PTPRJ: variants seen among roughly 807,000 people sequenced by gnomAD.
PTPRJ encodes the protein protein tyrosine phosphatase receptor type J, also known as receptor-type tyrosine-protein phosphatase eta.
PTPRJ carries 129 observed loss-of-function variants against 141.3 expected under a neutral mutation model. The observed-to-expected ratio is 0.91, with a 90% confidence interval of 0.79 to 1.06. The LOEUF (loss-of-function observed/expected upper bound fraction) is 1.06, where lower values mean the gene tolerates loss of function less well. Ranked by LOEUF, PTPRJ falls within the 50% of genes least tolerant of loss-of-function variation. The pLI, the probability that PTPRJ is intolerant of heterozygous loss-of-function variation, is 0.00. For synonymous variants in PTPRJ, 610 were observed against 640.5 expected, an observed-to-expected ratio of 0.95 and a Z score of 0.72; for missense variants, 1,601 against 1,679.7, an observed-to-expected ratio of 0.95 and a Z score of 0.82.
At chr11:47,982,387 G>A (rs561595899) in intron 1 of PTPRJ, among the ~76,000 whole-genome samples, 21 of 152,194 alleles carry the variant, frequency 1.4e-4, no homozygotes, top group Non-Finnish European at 2.8e-4. Context: ...ATTGTTTGAG[G>A]GGCTTCCACT....
At chr11:48,012,468 G>A (rs894692822) in intron 1 of PTPRJ, among the ~76,000 whole-genome samples, 2 of 152,190 alleles carry the variant, frequency 1.3e-5, no homozygotes, top group Admixed American at 1.3e-4. Context: ...ATGGAGGGCA[G>A]TGTCCCCAGA....
At position 48,075,818 on chromosome 11, in the gene PTPRJ, C is replaced by G. The variant is rs539799418; in HGVS notation, c.97-34240C>G. On this transcript the variant is annotated intron_variant, in intron 1 of 24. Transcript: ENST00000418331. ...TTCTGCCACATTTTACCTTGCCTTT[C>G]CGCACCTTCTACCATGTCTCCTTTT... Among the ~76,000 whole-genome samples, 92 of 152,328 alleles carry G rather than the reference C, an allele frequency of 6.0e-4. No homozygotes were observed. The South Asian group carries it at 0.011, about 18-fold the overall frequency.
rs1428365676 is a variant in PTPRJ, at chr11:48,169,606, T to C, written c.*2244T>C. ...TCCAATATGTCCGAAACCATTGTGA[T>C]GGGTGGCAAATCCCAGGGAGCTCCT... On this transcript the variant is annotated 3_prime_UTR_variant, in exon 25 of 25. Coordinates refer to ENST00000418331, the MANE Select transcript of PTPRJ (RefSeq NM_002843.4). 2 of 152,204 alleles carry C rather than the reference T, an allele frequency of 1.3e-5. No homozygotes were observed. Among genetic ancestry groups the C allele is most frequent in the Non-Finnish European group, 2.9e-5 (2 of 68,070 alleles). The allele number at this position is 152,204 out of a possible 1,614,324, so 9.4% of individuals were successfully genotyped here. A position where few individuals can be genotyped will look rare whatever the true frequency, so the allele number is the denominator to read the frequency against.
intron 1 of PTPRJ, among the ~76,000 whole-genome samples, chr11:48,035,151 G>A (rs1217123117): frequency 6.6e-6 from 1 of 152,168 alleles, no homozygotes; most frequent in Non-Finnish European, 1.5e-5. Context: ...GTGGCCCATG[G>A]CACCCAGTTG....
intron 1 of PTPRJ, among the ~76,000 whole-genome samples, chr11:48,046,904 ATATATATATTTTTT>A (rs1195478093): frequency 1.6e-3 from 145 of 93,078 alleles, no homozygotes; most frequent in African/African-American, 6.7e-3. Flanking sequence ...ATATATATAT[ATATATATATTTTTT>A]TTTTTTTTTT....
chr11:48,012,584 C>G (rs969957832), intron 1 of PTPRJ, among the ~76,000 whole-genome samples: 2 of 151,998 alleles, frequency 1.3e-5, no homozygotes, highest in African/African-American at 2.4e-5. Context: ...CAAGAGCAAC[C>G]CTGGCGGACT....
At chr11:48,006,232 C>G (rs1373007996) in intron 1 of PTPRJ, among the ~76,000 whole-genome samples, 1 of 152,082 alleles carries the variant, frequency 6.6e-6, no homozygotes, top group African/African-American at 2.4e-5. Context: ...TCATCTGGAA[C>G]CTGGGGCTCT....
rs140174173 is a variant in PTPRJ at position 48,110,069 on chromosome 11, A to C, written c.108A>C (p.Ala36=). The C allele has an allele frequency of 3.1e-6, 5 of 1,614,002 alleles. No individual in the cohort carries two copies. In the South Asian group the frequency reaches 4.4e-5, roughly 14 times the overall value. ...LLLRLGQILC[A]GGTPSPIPDP... is the part of the protein sequence containing the mutation. ...TTTTTCTGTTTCAGATCCTGTGCGC[A>C]GGTGGCAGTGAGTACCCTTTTCCTC... The change falls in exon 2 of 25, where the codon GCA becomes GCC. Residue 36 remains alanine (A), a synonymous_variant. Coordinates refer to ENST00000418331, the MANE Select transcript of PTPRJ (RefSeq NM_002843.4).
At position 48,137,241 on chromosome 11, in the gene PTPRJ, G is replaced by A; in HGVS notation, c.2112G>A (p.Gly704=). 1 of 1,613,804 alleles carries A rather than the reference G, an allele frequency of 6.2e-7. No homozygotes were observed. Among genetic ancestry groups the A allele is most frequent in the Non-Finnish European group, 8.5e-7 (1 of 1,179,876 alleles). The change falls in exon 10 of 25, where the codon GGG becomes GGA. Residue 704 remains glycine (G), a synonymous_variant. Coordinates refer to ENST00000418331, the MANE Select transcript of PTPRJ (RefSeq NM_002843.4). The part of the protein sequence containing the change: ...TVEIFAQVGD[G]IKSLEPGRKS... Reference sequence around the variant, plus strand: ...AGATCTTTGCACAAGTAGGGGATGGGATCAAGTCACTGGAACCTGGCCGGA... The same window carrying A: ...AGATCTTTGCACAAGTAGGGGATGGAATCAAGTCACTGGAACCTGGCCGGA...
At chr11:48,098,487 A>C (rs896890558) in intron 1 of PTPRJ, among the ~76,000 whole-genome samples, 3 of 151,702 alleles carry the variant, frequency 2.0e-5, no homozygotes, top group Non-Finnish European at 4.4e-5. Flanking sequence ...CTCTGTTGCC[A>C]GTGGACCCAC....
chr11:48,039,354 A>G (rs1425920114), intron 1 of PTPRJ, among the ~76,000 whole-genome samples: 18 of 150,930 alleles, frequency 1.2e-4, no homozygotes, highest in Non-Finnish European at 2.9e-5. Context: ...AAAAAACAAC[A>G]AACTGCCTCA....
At chr11:48,155,957 T>C (rs1479756134) in intron 20 of PTPRJ, 28 bp from the exon 21 acceptor site, 2 of 1,606,234 alleles carry the variant, frequency 1.2e-6, no homozygotes, top group South Asian at 1.1e-5. Flanking sequence ...TTCTTTGAGG[T>C]TGACTATGTG....
At chr11:48,146,719 T>TTGTGTGTGTGTGCGCCTG (rs1565326872) in intron 14 of PTPRJ, among the ~76,000 whole-genome samples, 157 bp from the exon 15 acceptor site, 2 of 151,654 alleles carry the variant, frequency 1.3e-5, no homozygotes, top group African/African-American at 4.8e-5. Context: ...TTTAACTCCC[T>TTGTGTGTGTGTGCGCCTG]TGTGTGTGTG....
At chr11:48,002,376 G>T (rs1414881085) in intron 1 of PTPRJ, among the ~76,000 whole-genome samples, 1 of 152,030 alleles carries the variant, frequency 6.6e-6, no homozygotes, top group Non-Finnish European at 1.5e-5. Context: ...GACCTCAACT[G>T]ATCTGCCCAC....
chr11:48,164,558 ATTTTTTTTT>A (rs60806872), intron 24 of PTPRJ, 43 bp downstream of exon 24: 35 of 774,292 alleles, frequency 4.5e-5, no homozygotes, highest in East Asian at 1.2e-4. Context: ...CTTCCCCTCC[ATTTTTTTTT>A]TTTTTTTTTT....
At chr11:48,165,690 AAG>A (rs1857900827) in intron 24 of PTPRJ, among the ~76,000 whole-genome samples, 1 of 152,116 alleles carries the variant, frequency 6.6e-6, no homozygotes, top group African/African-American at 2.4e-5. Flanking sequence ...TGTTGGTCAA[AAG>A]AGAGATTTTC....
At chr11:48,043,435 G>T (rs1854316060) in intron 1 of PTPRJ, among the ~76,000 whole-genome samples, 1 of 152,114 alleles carries the variant, frequency 6.6e-6, no homozygotes, top group Non-Finnish European at 1.5e-5. Context: ...AGGCCAGGAA[G>T]ACCTAGGTAG....
At chr11:48,109,731 G>A (rs1856390977) in intron 1 of PTPRJ, among the ~76,000 whole-genome samples, 1 of 151,632 alleles carries the variant, frequency 6.6e-6, no homozygotes, top group Non-Finnish European at 1.5e-5. Context: ...ATCGCACAGT[G>A]GGTGGAGGGA....
rs1854512210 is a variant in PTPRJ at position 48,002,039 on chromosome 11, C to CG, written c.96+21036dup. On this transcript the variant is annotated intron_variant, in intron 1 of 24. Coordinates refer to ENST00000418331, the MANE Select transcript of PTPRJ (RefSeq NM_002843.4). Reference sequence around the variant, plus strand: ...ACTAAGGGAGTACAACTTTTCAGGCCGGGGGTGTGCATGGTGTTTTGGGCC... The same window carrying CG: ...ACTAAGGGAGTACAACTTTTCAGGCCGGGGGGTGTGCATGGTGTTTTGGGCC... Among the ~76,000 whole-genome samples the CG allele has an allele frequency of 2.0e-5, 3 of 151,916 alleles. No homozygotes were observed. The South Asian group carries it at 6.2e-4, about 31-fold the overall frequency.
Sources: gnomAD v4.1 joint callset for allele counts (sites outside exome capture counted in the v4.1 genomes callset) on GRCh38, gnomAD v4.1.1 for gene constraint, MANE v1.5 for transcripts, NCBI Gene and HGNC (gene_info 2026-07-23, HGNC 2026-07-21) for gene names.